PRPF8: variants seen among roughly 807,000 people sequenced by gnomAD.
PRPF8 encodes pre-mRNA processing factor 8, also known as pre-mRNA-processing-splicing factor 8.
A neutral mutation model predicts 285.9 loss-of-function variants in PRPF8; 64 were observed. The observed-to-expected ratio is 0.22, with a 90% CI of 0.18 to 0.28. The LOEUF (loss-of-function observed/expected upper bound fraction) is 0.28, where lower values mean the gene tolerates loss of function less well. Among genes scored for constraint, PRPF8 ranks in the 10% least tolerant of loss-of-function variants. PRPF8 has a pLI of 1.00. For missense variants in PRPF8, 1,426 were observed against 3,026.7 expected (o/e 0.47, Z 12.41); for synonymous variants, 1,325 against 1,118.2 (o/e 1.18, Z -3.69).
At chr17:1,671,573 C>CG (rs1339596221) in intron 24 of PRPF8, among the ~76,000 whole-genome samples, 1 of 151,998 alleles carries the variant, frequency 6.6e-6, no homozygotes, top group Non-Finnish European at 1.5e-5. Context: ...AAAATCAGGC[C>CG]GGGTGTGGTG....
At chr17:1,662,822 C>A (rs1193819892) in intron 24 of PRPF8, among the ~76,000 whole-genome samples, 2 of 137,188 alleles carry the variant, frequency 1.5e-5, no homozygotes, top group Non-Finnish European at 3.0e-5. Flanking sequence ...CAGAGCAAGA[C>A]TGTGTCTCAA....
chr17:1,680,920 G>A lies in PRPF8; in HGVS notation c.992+9C>T. ...CTCCTTTCCAAATGTTGTGTTCCAG[G>A]TCTCTTACCAGGTGAGGTGGACATG... On this transcript the variant is annotated intron_variant, in intron 7 of 42. Transcript: ENST00000304992. The A allele has an allele frequency of 6.2e-7, 1 of 1,614,152 alleles. No individual in the cohort carries two copies. Among genetic ancestry groups the A allele is most frequent in the African/African-American group, 1.3e-5 (1 of 75,030 alleles).
At chr17:1,677,270 A>G in intron 14 of PRPF8, 98 bp from the exon 15 acceptor site, 1 of 1,265,252 alleles carries the variant, frequency 7.9e-7, no homozygotes, top group Non-Finnish European at 1.1e-6. Flanking sequence ...GTTATTAATA[A>G]AATTAGGTAT....
In PRPF8 at chr17:1,679,471, T is replaced by C; in HGVS notation, c.1290-61A>G. On this transcript the variant is annotated intron_variant, in intron 9 of 42. Transcript: ENST00000304992. This position sits in a 1 kb window ranked among gnomAD's most constrained non-coding sequence, Gnocchi z 4.7. ...TTCTTCCAGACACTCTGCTAAAGGC[T>C]GCAAGCCTTGGGTTGTCTACCATTT... is the stretch of plus-strand genomic sequence containing the variant. 2 of 1,610,588 alleles carry C rather than the reference T, an allele frequency of 1.2e-6. No homozygotes were observed. The highest frequency in any genetic ancestry group is 1.1e-5 in the South Asian group (1 of 90,922).
Position 1,656,356 on chromosome 17 carries a change from C to A in PRPF8, c.5793+36G>T, listed in dbSNP as rs1244529661. ...ATCTTCTCCTAACCCTAAACCCGCT[C>A]CTCCTCCAGCGATCTTCTCTTCCCG... On this transcript the variant is annotated intron_variant, in intron 36 of 42. Transcript: ENST00000304992. 1.9e-6 allele frequency: 3 copies of A among 1,613,686 alleles called. No individual in the cohort carries two copies. In the Admixed American group the frequency reaches 5.0e-5, roughly 27 times the overall value.
Position 1,678,887 on chromosome 17 carries a change from GAAGATGCAAAAA to G in PRPF8, c.1600-18_1600-7del. 1 of 1,614,104 alleles carries G rather than the reference GAAGATGCAAAAA, an allele frequency of 6.2e-7. No individual in the cohort carries two copies. Among genetic ancestry groups the G allele is most frequent in the Non-Finnish European group, 8.5e-7 (1 of 1,180,032 alleles). On this transcript the variant is annotated splice_region_variant and splice_polypyrimidine_tract_variant and intron_variant, in intron 11 of 42. Transcript: ENST00000304992. ...AAACGAGATTTCTTTCTTTCCTGGA[GAAGATGCAAAAA>G]ACAGACAGAACGTGAATGAGCAATG... is the stretch of plus-strand genomic sequence containing the variant.
chr17:1,658,526 C>G lies in PRPF8; in HGVS notation c.5376G>C (p.Lys1792Asn). The G allele has an allele frequency of 6.2e-7, 1 of 1,612,620 alleles. No individual in the cohort carries two copies. Residue 1792 changes from lysine (K) to asparagine (N), a missense_variant and splice_region_variant, in exon 33 of 43, where the codon AAG (lysine) becomes AAC (asparagine). Around this residue, in one of 34 missense-constraint regions of PRPF8, gnomAD observed 19 missense variants for 92.8 expected, o/e 0.20. Coordinates refer to ENST00000304992, the MANE Select transcript of PRPF8 (RefSeq NM_006445.4). This position sits in a 1 kb window ranked among gnomAD's most constrained non-coding sequence, Gnocchi z 4.1. ...DTNVYRVTIH[K>N]TFEGNLTTKP... Reference sequence around the variant, plus strand: ...CCTATACACTGCTGCTAACACTCACCTTGTGAATAGTCACTCTGTAGACGT... The same window carrying G: ...CCTATACACTGCTGCTAACACTCACGTTGTGAATAGTCACTCTGTAGACGT...
chr17:1,656,276 G>T, intron 36 of PRPF8, 116 bp downstream of exon 36: 1 of 1,311,618 alleles, frequency 7.6e-7, no homozygotes, highest in Non-Finnish European at 1.1e-6. Context: ...AGTCAACAGA[G>T]TTCCCACCCA....
chr17:1,653,400 C>T lies in PRPF8; in HGVS notation c.6369+142G>A, dbSNP rs1567675349. 12 of 1,194,254 alleles carry T rather than the reference C, an allele frequency of 1.0e-5. No homozygotes were observed. The East Asian group carries it at 1.2e-4, about 12-fold the overall frequency. 74.0% of individuals were successfully genotyped at this position (1,194,254 alleles called of 1,614,324 possible). ...TATCTCATGGGGCCAAAACCCACCT[C>T]GTTGTTTTGGCTATCCTTGTATAAT... On this transcript the variant is annotated intron_variant, in intron 39 of 42. Coordinates refer to ENST00000304992, the MANE Select transcript of PRPF8 (RefSeq NM_006445.4). The surrounding 1 kb of genome is among the most constrained non-coding windows in gnomAD (Gnocchi z 4.9).
At position 1,651,393 on chromosome 17, in the gene PRPF8, T is replaced by A. The variant is rs1430658828; in HGVS notation, c.6650+21A>T. The stretch of plus-strand genomic sequence containing the variant: ...GCAATCCCTGCCCCACCATACTTCC[T>A]CCCAAGGAGCCCAGGCCCACCTGCA... On this transcript the variant is annotated intron_variant, in intron 41 of 42. Transcript: ENST00000304992. The surrounding 1 kb of genome is among the most constrained non-coding windows in gnomAD (Gnocchi z 5.1). 6.2e-7 allele frequency: 1 copy of A among 1,613,926 alleles called. No homozygotes were observed. The highest frequency in any genetic ancestry group is 1.3e-5 in the African/African-American group (1 of 74,880).
intron 13 of PRPF8, among the ~76,000 whole-genome samples, chr17:1,678,136 G>A (rs748187678): frequency 5.9e-5 from 9 of 152,108 alleles, no homozygotes; most frequent in Non-Finnish European, 1.3e-4. Context: ...CCAATACAGT[G>A]AAACCCCATC....
chr17:1,656,855 G>A lies in PRPF8; in HGVS notation c.5506-94C>T, dbSNP rs117777031. ...CCTAGTTTTGAAATAATCCAACTACGTTTCTATTGAACACTGATGTTAAAT... is the reference window on the plus strand; with the variant it reads ...CCTAGTTTTGAAATAATCCAACTACATTTCTATTGAACACTGATGTTAAAT... On this transcript the variant is annotated intron_variant, in intron 34 of 42. Coordinates refer to ENST00000304992, the MANE Select transcript of PRPF8 (RefSeq NM_006445.4). 4,241 of 1,117,580 alleles carry A rather than the reference G, an allele frequency of 3.8e-3. 16 individuals are homozygous for A. The highest frequency in any genetic ancestry group is 4.6e-3 in the Non-Finnish European group (3,482 of 759,198). The allele number at this position is 1,117,580 out of a possible 1,614,324, so 69.2% of individuals were successfully genotyped here.
intron 4 of PRPF8, 26 bp downstream of exon 4, chr17:1,682,103 A>C (rs763423359): frequency 1.6e-4 from 262 of 1,611,404 alleles, no homozygotes; most frequent in Non-Finnish European, 1.7e-4. Context: ...CACCACCACC[A>C]CCCACCATAT....
chr17:1,673,645 C>T lies in PRPF8; in HGVS notation c.3447-78G>A. ...CAAAGGCCAACTGATGACATCCTGACACAGCCACGCCTCTCCCACCCAGGA... is the reference window on the plus strand; with the variant it reads ...CAAAGGCCAACTGATGACATCCTGATACAGCCACGCCTCTCCCACCCAGGA... On this transcript the variant is annotated intron_variant, in intron 22 of 42. Transcript: ENST00000304992. This position sits in a 1 kb window ranked among gnomAD's most constrained non-coding sequence, Gnocchi z 5.5. 4.3e-6 allele frequency: 7 copies of T among 1,611,742 alleles called. No homozygotes were observed. Among genetic ancestry groups the T allele is most frequent in the Non-Finnish European group, 5.9e-6 (7 of 1,179,074 alleles).
intron 20 of PRPF8, among the ~76,000 whole-genome samples, 182 bp from the exon 21 acceptor site, chr17:1,674,862 C>G (rs1912529035): frequency 6.6e-6 from 1 of 152,142 alleles, no homozygotes; most frequent in African/African-American, 2.4e-5. Flanking sequence ...ACCTCCACTT[C>G]CCGGGTTCAA....
chr17:1,674,044 G>C (rs950618316), intron 21 of PRPF8, 152 bp from the exon 22 acceptor site: 18 of 949,792 alleles, frequency 1.9e-5, no homozygotes, highest in African/African-American at 5.3e-5. Context: ...TTTATTTTTT[G>C]AGACAGTCTC....
In PRPF8 at chr17:1,655,678, G is replaced by C. The variant is rs953313152; in HGVS notation, c.5794-135C>G. 8 of 754,996 alleles carry C rather than the reference G, an allele frequency of 1.1e-5. No individual in the cohort carries two copies. The Admixed American group carries it at 1.7e-4, about 16-fold the overall frequency. The allele number at this position is 754,996 out of a possible 1,614,324, so 46.8% of individuals were successfully genotyped here. The stretch of plus-strand genomic sequence containing the variant: ...GTCTTGCTCTGTCGCCCAGGCTGGA[G>C]TGCAGTGGCATGATCTCGGCTCACT... On this transcript the variant is annotated intron_variant, in intron 36 of 42. Coordinates refer to ENST00000304992, the MANE Select transcript of PRPF8 (RefSeq NM_006445.4).
At chr17:1,678,422 G>T in intron 13 of PRPF8, 96 bp downstream of exon 13, 5 of 1,492,166 alleles carry the variant, frequency 3.4e-6, no homozygotes, top group Non-Finnish European at 4.7e-6. Context: ...GGCGGAGGTT[G>T]CAGTGAGCCA....
rs1911311915 is a variant in PRPF8, at chr17:1,655,361, G to T, written c.5976C>A (p.Gly1992=). The T allele has an allele frequency of 6.2e-7, 1 of 1,613,152 alleles. No individual in the cohort carries two copies. The highest frequency in any genetic ancestry group is 1.7e-5 in the Admixed American group (1 of 59,980). ...QLKDLILADY[G]KKNNVNVASL... ...CCAGCACTGCTCACTTGTTTTTCTT[G>T]CCGTAGTCAGCCAAGATCAGATCCT... Residue 1992 remains glycine, a synonymous_variant, in exon 37 of 43, where the codon GGC becomes GGA. Transcript: ENST00000304992.
Sources: allele counts gnomAD v4.1 joint callset (sites outside exome capture counted in the v4.1 genomes callset), GRCh38; gene constraint gnomAD v4.1.1; regional missense constraint gnomAD v4.1.1; non-coding constraint Gnocchi (gnomAD v3.1); transcripts MANE v1.5; gene names NCBI Gene and HGNC (gene_info 2026-07-23, HGNC 2026-07-21).